Variants in SOX5 observed in about 807,000 individuals in gnomAD.
SOX5 encodes the protein transcription factor SOX-5.
Under a neutral mutation model 92.0 loss-of-function variants are expected in SOX5, and 9 were observed. The ratio of observed to expected loss-of-function variants is 0.10; its 90% CI spans 0.06 to 0.17. SOX5 has a LOEUF of 0.17. Ranked by LOEUF, SOX5 falls within the 10% of genes least tolerant of loss-of-function variation. The probability of loss-of-function intolerance (pLI) is 1.00; values close to 1 mark genes in which losing one functional copy is unlikely to be tolerated. For synonymous variants in SOX5, 344 were observed against 336.3 expected (o/e 1.02, Z -0.25); for missense variants, 642 against 944.5 (o/e 0.68, Z 4.20).
At chr12:24,430,291 A>G (rs1254681163) in intron 1 of SOX5, among the ~76,000 whole-genome samples, 1 of 152,186 alleles carries the variant, frequency 6.6e-6, no homozygotes, top group Admixed American at 6.5e-5. Context: ...CCAAAGGACT[A>G]TAAAGCTTTC....
intron 7 of SOX5, among the ~76,000 whole-genome samples, chr12:23,654,350 AG>A (rs2082051542): frequency 1.3e-5 from 2 of 152,104 alleles, no homozygotes; most frequent in African/African-American, 4.8e-5. Flanking sequence ...ATGAAAATTA[AG>A]TAATATGCAC....
intron 2 of SOX5, among the ~76,000 whole-genome samples, chr12:24,307,269 A>C (rs1469786309): frequency 6.6e-6 from 1 of 152,118 alleles, no homozygotes; most frequent in Admixed American, 6.5e-5. Context: ...AAGCTTAGAG[A>C]GATTCAGGGA....
At chr12:24,340,952 A>T (rs1952507398) in intron 2 of SOX5, among the ~76,000 whole-genome samples, 1 of 152,202 alleles carries the variant, frequency 6.6e-6, no homozygotes, top group Admixed American at 6.5e-5. Flanking sequence ...CAATGTATAA[A>T]TTTAATGTAC....
intron 1 of SOX5, among the ~76,000 whole-genome samples, chr12:24,486,420 C>T (rs1009569823): frequency 6.6e-6 from 1 of 152,224 alleles, no homozygotes; most frequent in Non-Finnish European, 1.5e-5. Context: ...CAACTCCAAT[C>T]TGAAGCAGTT....
chr12:24,347,183 C>A (rs1361611141), intron 2 of SOX5, among the ~76,000 whole-genome samples: 1 of 152,144 alleles, frequency 6.6e-6, no homozygotes, highest in Non-Finnish European at 1.5e-5. Flanking sequence ...ATTTGCCATG[C>A]ACCAAGTACT....
chr12:24,548,533 C>A (rs1952862882), intron 1 of SOX5, among the ~76,000 whole-genome samples: 1 of 152,118 alleles, frequency 6.6e-6, no homozygotes, highest in Non-Finnish European at 1.5e-5. Flanking sequence ...TCAAATTTCT[C>A]CCCACCAGCA....
intron 9 of SOX5, among the ~76,000 whole-genome samples, chr12:23,581,833 A>G (rs1276701480): frequency 2.0e-5 from 3 of 151,946 alleles, no homozygotes; most frequent in African/African-American, 7.2e-5. Context: ...TTTATACTCA[A>G]TATAATGTTT....
chr12:23,980,571 G>T (rs1162174176), intron 4 of SOX5, among the ~76,000 whole-genome samples: 2 of 152,022 alleles, frequency 1.3e-5, no homozygotes, highest in African/African-American at 4.8e-5. Context: ...TCTATTTTTT[G>T]GTTGTCTTAG....
chr12:24,079,055 TTC>T (rs1263629825), intron 4 of SOX5, among the ~76,000 whole-genome samples: 1 of 151,878 alleles, frequency 6.6e-6, no homozygotes, highest in Non-Finnish European at 1.5e-5. Flanking sequence ...CAGGTGCAAT[TTC>T]TGTCTCCCTT....
At chr12:23,916,875 T>C (rs1369870102) in intron 1 of SOX5, among the ~76,000 whole-genome samples, 1 of 152,116 alleles carries the variant, frequency 6.6e-6, no homozygotes, top group Non-Finnish European at 1.5e-5. Flanking sequence ...GGAATTTCTA[T>C]CAGGGCTTTT....
At chr12:24,545,531 A>C (rs530456454) in intron 1 of SOX5, among the ~76,000 whole-genome samples, 2 of 152,338 alleles carry the variant, frequency 1.3e-5, no homozygotes, top group East Asian at 3.9e-4. Context: ...ACAGATTTTC[A>C]AGTAATACGA....
At chr12:24,310,562 T>A (rs1358700992) in intron 2 of SOX5, among the ~76,000 whole-genome samples, 3 of 152,192 alleles carry the variant, frequency 2.0e-5, no homozygotes, top group Admixed American at 2.0e-4. Flanking sequence ...CATCCTATAA[T>A]GTCTCTTACT....
In SOX5 at chr12:23,588,953, C is replaced by T. The variant is rs546457437; in HGVS notation, c.1165-13115G>A. On this transcript the variant is annotated intron_variant, in intron 9 of 14. Coordinates refer to ENST00000451604, the MANE Select transcript of SOX5 (RefSeq NM_006940.6). ...TAGAGTAACATACTGTACAGGTTTG[C>T]AGCCTAGAAGTAATAGGCTGTATCA... 7.9e-5 allele frequency among the ~76,000 whole-genome samples: 12 copies of T among 152,050 alleles called. No individual in the cohort carries two copies. In the East Asian group the frequency reaches 2.3e-3, roughly 29 times the overall value.
At chr12:23,552,513 G>GA (rs1944405362) in intron 11 of SOX5, among the ~76,000 whole-genome samples, 6 of 151,794 alleles carry the variant, frequency 4.0e-5, no homozygotes, top group South Asian at 2.1e-4. Flanking sequence ...AGAGTAGGAA[G>GA]AAAAAATCAA....
intron 4 of SOX5, among the ~76,000 whole-genome samples, chr12:24,160,640 C>T (rs1474793519): frequency 6.6e-6 from 1 of 151,880 alleles, no homozygotes; most frequent in African/African-American, 2.4e-5. Context: ...ATCATGATTA[C>T]ATAGAAAGGG....
intron 2 of SOX5, among the ~76,000 whole-genome samples, chr12:24,284,627 G>A (rs2140444803): frequency 6.6e-6 from 1 of 152,258 alleles, no homozygotes; most frequent in South Asian, 2.1e-4. Context: ...GCCTCAGGCA[G>A]CAGACTCTTC....
At chr12:23,964,237 A>C (rs568656730) in intron 4 of SOX5, among the ~76,000 whole-genome samples, 20 of 152,292 alleles carry the variant, frequency 1.3e-4, no homozygotes, top group South Asian at 1.0e-3. Flanking sequence ...AATATGTTCC[A>C]TAAAATGCCT....
rs577382810 is a variant in SOX5, at chr12:24,306,625, G to A, written c.-173-29313C>T. Among the ~76,000 whole-genome samples, 3 of 152,290 alleles carry A rather than the reference G, an allele frequency of 2.0e-5. No homozygotes were observed. The East Asian group carries it at 5.8e-4, about 29-fold the overall frequency. On this transcript the variant is annotated intron_variant, in intron 2 of 4. Transcript: ENST00000446891. ...GAGAAAGACAAAGAATGCTGGGAGA[G>A]GCAACGCTGAGGCCACTTCTGGGGG...
intron 4 of SOX5, among the ~76,000 whole-genome samples, chr12:24,147,586 G>A (rs1430468258): frequency 6.6e-6 from 1 of 152,136 alleles, no homozygotes; most frequent in East Asian, 1.9e-4. Context: ...GCAAGAATAA[G>A]CACTAAAAGG....
Sources: gnomAD v4.1 joint callset for allele counts (sites outside exome capture counted in the v4.1 genomes callset) on GRCh38, gnomAD v4.1.1 for gene constraint, MANE v1.5 for transcripts, NCBI Gene and HGNC (gene_info 2026-07-23, HGNC 2026-07-21) for gene names.